PAOX: variants seen among roughly 807,000 people sequenced by gnomAD.
PAOX encodes the protein polyamine oxidase, also known as peroxisomal N(1)-acetyl-spermine/spermidine oxidase.
In PAOX, 38 loss-of-function variants were observed where a neutral mutation model predicts 39.0. The observed-to-expected ratio is 0.97, with a 90% CI of 0.75 to 1.28. The LOEUF (loss-of-function observed/expected upper bound fraction) is 1.28. PAOX is among the 50% of genes most tolerant of loss of function. The probability of loss-of-function intolerance (pLI) is 0.00; values close to 1 mark genes in which losing one functional copy is unlikely to be tolerated. For synonymous variants in PAOX, 311 were observed against 314.4 expected (o/e 0.99, Z 0.11); for missense variants, 667 against 685.7 (o/e 0.97, Z 0.30).
At chr10:133,391,085 GT>G in intron 6 of PAOX, 1 of 653,840 alleles carries the variant, frequency 1.5e-6, no homozygotes, top group East Asian at 2.7e-5. Flanking sequence ...TTTCCTGGCT[GT>G]TGATGGATAC....
chr10:133,386,030 T>TC lies in PAOX; in HGVS notation c.1121+1818_1121+1819insC, dbSNP rs1314856761. Among the ~76,000 whole-genome samples the TC allele has an allele frequency of 1.9e-3, 283 of 151,810 alleles. 8 individuals carry two copies. The highest frequency in any genetic ancestry group is 0.018 in the Admixed American group (280 of 15,236). On this transcript the variant is annotated intron_variant, in intron 4 of 6. Coordinates refer to ENST00000278060, the MANE Select transcript of PAOX (RefSeq NM_152911.4). The stretch of plus-strand genomic sequence containing the variant: ...CTTTTCTGCAAAACTTTTTTTTTTT[T>TC]TTTTTGAGACAAGGTCTCTCTGTCA...
At chr10:133,380,553 G>T (rs1210646913) in intron 2 of PAOX, 68 bp downstream of exon 2, 9 of 1,498,854 alleles carry the variant, frequency 6.0e-6, no homozygotes, top group African/African-American at 1.4e-5. Context: ...GGCTGGCTGA[G>T]CTCCGCTCTT....
At chr10:133,379,568 C>T (rs1052343842) in intron 1 of PAOX, 71 bp downstream of exon 1, 38 of 1,178,678 alleles carry the variant, frequency 3.2e-5, no homozygotes, top group South Asian at 1.3e-4. Context: ...CCCAACCTGC[C>T]CTGCGCGCAG....
chr10:133,389,632 G>C lies in PAOX; in HGVS notation c.1277G>C (p.Arg426Pro). 1 of 1,613,554 alleles carries C rather than the reference G, an allele frequency of 6.2e-7. No individual in the cohort carries two copies. Among genetic ancestry groups the C allele is most frequent in the African/African-American group, 1.3e-5 (1 of 75,070 alleles). ...GCGCCCAAGAGCGTCCTGCGGTCTCGCTGGCACAGCGCCCCGTACACTAGG... is the reference window on the plus strand; with the variant it reads ...GCGCCCAAGAGCGTCCTGCGGTCTCCCTGGCACAGCGCCCCGTACACTAGG... ...LPAPKSVLRS[R>P]WHSAPYTRGS... The change falls in exon 6 of 7, where the codon CGC becomes CCC. Residue 426 changes from arginine (R) to proline (P), a missense_variant. Coordinates refer to ENST00000278060, the MANE Select transcript of PAOX (RefSeq NM_152911.4).
In PAOX at chr10:133,379,278, C is replaced by T. The variant is rs1217550447; in HGVS notation, c.-39C>T. 1 of 1,207,436 alleles carries T rather than the reference C, an allele frequency of 8.3e-7. No homozygotes were observed. The highest frequency in any genetic ancestry group is 1.6e-5 in the African/African-American group (1 of 62,586). 74.8% of individuals were successfully genotyped at this position (1,207,436 alleles called of 1,614,324 possible). A position where few individuals can be genotyped will look rare whatever the true frequency, so the allele number is the denominator to read the frequency against. ...GCCTCCTCCGAGAGCTCCAGACCTC[C>T]CGGCTACTCAGAAGCCCTCGGACTG... On this transcript the variant is annotated 5_prime_UTR_variant, in exon 1 of 7. Coordinates refer to ENST00000278060, the MANE Select transcript of PAOX (RefSeq NM_152911.4).
In PAOX at chr10:133,380,301, G is replaced by A. The variant is rs746004969; in HGVS notation, c.484G>A (p.Glu162Lys). The A allele has an allele frequency of 1.9e-6, 3 of 1,612,860 alleles. No individual in the cohort carries two copies. The highest frequency in any genetic ancestry group is 4.5e-5 in the East Asian group (2 of 44,868). The change falls in exon 2 of 7, where the codon GAG becomes AAG. Residue 162 changes from glutamate to lysine, a missense_variant. Physicochemically the swap from Glu to Lys is moderately conservative, Grantham distance 56. Coordinates refer to ENST00000278060, the MANE Select transcript of PAOX (RefSeq NM_152911.4). ...CAGCGTCGGGGAGTACCTCAAGAAG[G>A]AGATTGGCCAGCACGTGGCCGGCTG... is the stretch of plus-strand genomic sequence containing the variant. ...VPSVGEYLKK[E>K]IGQHVAGWTE...
At position 133,389,143 on chromosome 10, in the gene PAOX, G is replaced by A. The variant is rs996907938; in HGVS notation, c.1234+75G>A. ...GATCTCTAAACAGAAACTAGACTTT[G>A]CAGAACAGAGAAAAACTAAATTTGG... On this transcript the variant is annotated intron_variant, in intron 5 of 6. Coordinates refer to ENST00000278060, the MANE Select transcript of PAOX (RefSeq NM_152911.4). 4.7e-6 allele frequency: 6 copies of A among 1,274,616 alleles called. No individual in the cohort carries two copies. The Admixed American group carries it at 5.1e-5, about 11-fold the overall frequency. 79.0% of individuals were successfully genotyped at this position (1,274,616 alleles called of 1,614,324 possible). A position where few individuals can be genotyped will look rare whatever the true frequency, so the allele number is the denominator to read the frequency against.
Position 133,384,210 on chromosome 10 carries a change from TG to T in PAOX, c.1120del (p.Ala374ArgfsTer37), listed in dbSNP as rs1849475606. ...TTGGCTTTGTGGTCCTGCCTGCCTT[TG>T]CGTACGTTTGCTCCCTGAGAAGTTC... Reference protein sequence around the residue: ...LIGFVVLPAFASVHVLCGFIA... With the variant: ...LIGFVVLPAFXSVHVLCGFIA... On this transcript the variant is annotated frameshift_variant and splice_region_variant, in exon 4 of 7. Coordinates refer to ENST00000278060, the MANE Select transcript of PAOX (RefSeq NM_152911.4). LOFTEE classifies it high-confidence loss of function. This position sits in a 1 kb window ranked among gnomAD's most constrained non-coding sequence, Gnocchi z 4.3. The T allele has an allele frequency of 6.2e-7, 1 of 1,612,718 alleles. No individual in the cohort carries two copies. Among genetic ancestry groups the T allele is most frequent in the Non-Finnish European group, 8.5e-7 (1 of 1,179,500 alleles).
intron 4 of PAOX, among the ~76,000 whole-genome samples, chr10:133,385,038 G>A (rs1849494902): frequency 6.6e-6 from 1 of 152,214 alleles, no homozygotes; most frequent in Admixed American, 6.5e-5. Flanking sequence ...GCTCATGTCT[G>A]TAATCCCTGC....
At chr10:133,387,346 T>C (rs1849555003) in intron 4 of PAOX, among the ~76,000 whole-genome samples, 1 of 152,192 alleles carries the variant, frequency 6.6e-6, no homozygotes, top group South Asian at 2.1e-4. Context: ...CATTATACAA[T>C]ATAAAAAATC....
chr10:133,385,133 T>C (rs1418461856), intron 4 of PAOX, among the ~76,000 whole-genome samples: 1 of 152,004 alleles, frequency 6.6e-6, no homozygotes, highest in African/African-American at 2.4e-5. Context: ...CCGTCTCTAC[T>C]AAAAATACAA....
At chr10:133,380,609 G>A (rs1849339602) in intron 2 of PAOX, 124 bp downstream of exon 2, 5 of 1,302,480 alleles carry the variant, frequency 3.8e-6, no homozygotes, top group Non-Finnish European at 3.1e-6. Flanking sequence ...TCCCCATTCC[G>A]ACAGACTGGT....
chr10:133,383,602 C>CA (rs61031143), intron 3 of PAOX, among the ~76,000 whole-genome samples: 5 of 122,252 alleles, frequency 4.1e-5, no homozygotes, highest in African/African-American at 1.5e-4. Flanking sequence ...GAATCCATCT[C>CA]AAAAAAAAAA....
At position 133,384,135 on chromosome 10, in the gene PAOX, C is replaced by T; in HGVS notation, c.1044C>T (p.Pro348=). ...LIQLVWEDTS[P]LEDAAPELQD... ...AGCTGGTGTGGGAGGACACGTCGCC[C>T]CTGGAGGATGCTGCCCCTGAGCTAC... is the stretch of plus-strand genomic sequence containing the variant. Residue 348 remains proline (P), a synonymous_variant, in exon 4 of 7, where the codon CCC becomes CCT. Coordinates refer to ENST00000278060, the MANE Select transcript of PAOX (RefSeq NM_152911.4). This position sits in a 1 kb window ranked among gnomAD's most constrained non-coding sequence, Gnocchi z 4.3. 3 of 1,614,158 alleles carry T rather than the reference C, an allele frequency of 1.9e-6. No homozygotes were observed. The highest frequency in any genetic ancestry group is 1.7e-4 in the Middle Eastern group (1 of 6,058).
At chr10:133,390,848 A>T in intron 6 of PAOX, 7 of 370,608 alleles carry the variant, frequency 1.9e-5, no homozygotes, top group East Asian at 7.6e-5. Context: ...CCCATATGTG[A>T]TCCAGGAGTT....
intron 2 of PAOX, among the ~76,000 whole-genome samples, chr10:133,381,127 C>T (rs185384036): frequency 4.3e-4 from 66 of 152,362 alleles, no homozygotes; most frequent in African/African-American, 1.5e-3. Flanking sequence ...CGGGCTGTCC[C>T]GTCACCCCTG....
chr10:133,379,454 C>G lies in PAOX; in HGVS notation c.138C>G (p.Ala46=), dbSNP rs1026823963. Reference sequence around the variant, plus strand: ...TCCCGCACCTGCGGGTCCTGGAGGCCACGGCCCGCGCCGGGGGCCGCATCC... The same window carrying G: ...TCCCGCACCTGCGGGTCCTGGAGGCGACGGCCCGCGCCGGGGGCCGCATCC... ...SAFPHLRVLE[A]TARAGGRIRS... is the part of the protein sequence containing the mutation. The change falls in exon 1 of 7, where the codon GCC becomes GCG. Residue 46 remains alanine (A), a synonymous_variant. Transcript: ENST00000278060. The G allele has an allele frequency of 1.8e-5, 22 of 1,225,492 alleles. No individual in the cohort carries two copies. The Admixed American group carries it at 2.1e-4, about 12-fold the overall frequency. The allele number at this position is 1,225,492 out of a possible 1,614,324, so 75.9% of individuals were successfully genotyped here. A position where few individuals can be genotyped will look rare whatever the true frequency, so the allele number is the denominator to read the frequency against.
rs200635963 is a variant in PAOX, at chr10:133,391,402, C to T, written c.1483C>T (p.Arg495Cys). 229 of 1,613,046 alleles carry T rather than the reference C, an allele frequency of 1.4e-4. 2 individuals are homozygous for T. The East Asian group carries it at 4.6e-3, about 33-fold the overall frequency. The change falls in exon 7 of 7, where the codon CGC becomes TGC. Residue 495 changes from arginine to cysteine, a missense_variant. Arg to Cys is a radical substitution (Grantham distance 180). Coordinates refer to ENST00000278060, the MANE Select transcript of PAOX (RefSeq NM_152911.4). Reference sequence around the variant, plus strand: ...GCTGTCGGGATGGAGGGAGGCCGACCGCCTCCTCAGTCTGTGGGCCCCGCA... The same window carrying T: ...GCTGTCGGGATGGAGGGAGGCCGACTGCCTCCTCAGTCTGTGGGCCCCGCA... ...ALLSGWREAD[R>C]LLSLWAPQVQ...
In PAOX at chr10:133,380,211, A is replaced by T. The variant is rs1222843682; in HGVS notation, c.394A>T (p.Thr132Ser). The part of the protein sequence containing the change: ...VSLQLVAEMA[T>S]LFYGLIDQTR... Reference sequence around the variant, plus strand: ...CCTCCAGCTGGTGGCGGAGATGGCGACTCTGTTCTACGGCCTGATAGACCA... The same window carrying T: ...CCTCCAGCTGGTGGCGGAGATGGCGTCTCTGTTCTACGGCCTGATAGACCA... The change falls in exon 2 of 7, where the codon ACT (threonine) becomes TCT (serine). Residue 132 changes from threonine to serine, a missense_variant. Coordinates refer to ENST00000278060, the MANE Select transcript of PAOX (RefSeq NM_152911.4). 1 of 1,612,608 alleles carries T rather than the reference A, an allele frequency of 6.2e-7. No homozygotes were observed. The highest frequency in any genetic ancestry group is 1.1e-5 in the South Asian group (1 of 91,072).
Sources: allele counts gnomAD v4.1 joint callset (sites outside exome capture counted in the v4.1 genomes callset), GRCh38; gene constraint gnomAD v4.1.1; non-coding constraint Gnocchi (gnomAD v3.1); transcripts MANE v1.5; gene names NCBI Gene and HGNC (gene_info 2026-07-23, HGNC 2026-07-21).